MYOZ3: variants seen among roughly 807,000 people sequenced by gnomAD.
The protein encoded by MYOZ3 is myozenin-3.
In MYOZ3, 19 loss-of-function variants were observed where a neutral mutation model predicts 26.5. The observed-to-expected ratio is 0.72, with a 90% CI of 0.50 to 1.05. The LOEUF is 1.05. Ranked by LOEUF, MYOZ3 falls within the 50% of genes least tolerant of loss-of-function variation. The probability of loss-of-function intolerance (pLI) is 0.00; values close to 1 mark genes in which losing one functional copy is unlikely to be tolerated. For missense variants in MYOZ3, 322 were observed against 337.1 expected (o/e 0.96, Z 0.35); for synonymous variants, 135 against 138.8 (o/e 0.97, Z 0.19).
At chr5:150,671,940 G>A in intron 5 of MYOZ3, 32 bp downstream of exon 5, 8 of 1,491,442 alleles carry the variant, frequency 5.4e-6, no homozygotes, top group Non-Finnish European at 6.2e-6. Context: ...CGGGACCAGG[G>A]CTGGGGGGCC....
At chr5:150,666,760 C>CT (rs139707010) in intron 2 of MYOZ3, among the ~76,000 whole-genome samples, 20,322 of 149,632 alleles carry the variant, frequency 0.14, 2,645 homozygotes, top group African/African-American at 0.35. Context: ...TACTGGATTT[C>CT]TTTTTTTCTT....
At chr5:150,665,334 G>C (rs918155783) in intron 2 of MYOZ3, among the ~76,000 whole-genome samples, 1 of 152,158 alleles carries the variant, frequency 6.6e-6, no homozygotes, top group Non-Finnish European at 1.5e-5. Flanking sequence ...TTGCTCCACA[G>C]AATTCATCCC....
intron 6 of MYOZ3, among the ~76,000 whole-genome samples, chr5:150,675,526 C>T (rs768135025): frequency 2.1e-4 from 32 of 152,108 alleles, no homozygotes; most frequent in Non-Finnish European, 4.3e-4. Context: ...TCACCCACCA[C>T]CATGCCCATC....
chr5:150,669,208 G>C (rs188778734), intron 2 of MYOZ3: 1 of 151,926 alleles, frequency 6.6e-6, no homozygotes, highest in African/African-American at 2.4e-5. Context: ...CTGGGAGCCC[G>C]AGGGGGGGTG....
In MYOZ3 at chr5:150,662,939, A is replaced by C. The variant is rs1324403279; in HGVS notation, c.-1-2A>C. 1.9e-6 allele frequency: 3 copies of C among 1,610,716 alleles called. No homozygotes were observed. In the South Asian group the frequency reaches 3.3e-5, roughly 18 times the overall value. On this transcript the variant is annotated splice_acceptor_variant, in intron 1 of 6. Coordinates refer to ENST00000517768, the MANE Select transcript of MYOZ3 (RefSeq NM_001122853.3). LOFTEE classifies it low-confidence loss of function (5UTR_SPLICE). ...CCATTTATGGGGGTCTCTCCTCCAC[A>C]GGATGATCCCCAAGGAGCAGAAGGG...
chr5:150,673,238 G>T (rs572786830), intron 6 of MYOZ3: 1 of 152,398 alleles, frequency 6.6e-6, no homozygotes, highest in African/African-American at 2.4e-5. Flanking sequence ...GGGGTTTATA[G>T]TACCTGCTTC....
In MYOZ3 at chr5:150,663,068, A is replaced by T. The variant is rs1758759674; in HGVS notation, c.61+66A>T. 3 of 1,394,124 alleles carry T rather than the reference A, an allele frequency of 2.2e-6. No homozygotes were observed. In the Middle Eastern group the frequency reaches 5.7e-4, roughly 263 times the overall value. 86.4% of individuals were successfully genotyped at this position (1,394,124 alleles called of 1,614,324 possible). A position where few individuals can be genotyped will look rare whatever the true frequency, so the allele number is the denominator to read the frequency against. On this transcript the variant is annotated intron_variant, in intron 2 of 6. Transcript: ENST00000517768. ...ATTTCCTTGCTCCCAGGCTGCACTCACTCTGGCCTGCTGGCCCCAGGCCTG... is the reference window on the plus strand; with the variant it reads ...ATTTCCTTGCTCCCAGGCTGCACTCTCTCTGGCCTGCTGGCCCCAGGCCTG...
At chr5:150,670,425 G>A in intron 2 of MYOZ3, 59 bp from the exon 3 acceptor site, 1 of 1,459,798 alleles carries the variant, frequency 6.9e-7, no homozygotes, top group Non-Finnish European at 9.1e-7. Context: ...TTCGAGAGGT[G>A]GGGCCTGGAG....
At chr5:150,662,883 G>T in intron 1 of MYOZ3, 58 bp from the exon 2 acceptor site, 2 of 1,470,740 alleles carry the variant, frequency 1.4e-6, no homozygotes, top group East Asian at 2.3e-5. Flanking sequence ...AGACTGGAAG[G>T]AGGTCTGGGG....
In MYOZ3 at chr5:150,677,097, T is replaced by G. The variant is rs1759023347; in HGVS notation, c.*222T>G. 4 of 510,400 alleles carry G rather than the reference T, an allele frequency of 7.8e-6. No individual in the cohort carries two copies. In the South Asian group the frequency reaches 1.1e-4, roughly 15 times the overall value. The allele number at this position is 510,400 out of a possible 1,614,324, so 31.6% of individuals were successfully genotyped here. On this transcript the variant is annotated 3_prime_UTR_variant, in exon 7 of 7. Transcript: ENST00000517768. Reference sequence around the variant, plus strand: ...CCAGACAACTGGACTGTCCCAGACTTGCAGCATCAGAGTCTCCTGAGTCGA... The same window carrying G: ...CCAGACAACTGGACTGTCCCAGACTGGCAGCATCAGAGTCTCCTGAGTCGA...
At position 150,676,955 on chromosome 5, in the gene MYOZ3, G is replaced by C. The variant is rs777068489; in HGVS notation, c.*80G>C. 3.1e-5 allele frequency: 44 copies of C among 1,408,068 alleles called. 1 individual carries two copies. The highest frequency in any genetic ancestry group is 6.2e-5 in the Admixed American group (3 of 48,400). 87.2% of individuals were successfully genotyped at this position (1,408,068 alleles called of 1,614,324 possible). ...CAAGACTTGTGGACAGCACTTCACA[G>C]TTGAAGAAGGGCCTTCACACACAAA... On this transcript the variant is annotated 3_prime_UTR_variant, in exon 7 of 7. Transcript: ENST00000517768.
At chr5:150,675,858 A>C (rs1223273742) in intron 6 of MYOZ3, among the ~76,000 whole-genome samples, 1 of 152,188 alleles carries the variant, frequency 6.6e-6, no homozygotes, top group African/African-American at 2.4e-5. Context: ...CATAGTTCAC[A>C]CATTTCAGGT....
At chr5:150,670,665 G>T in intron 3 of MYOZ3, 27 bp downstream of exon 3, 1 of 1,584,520 alleles carries the variant, frequency 6.3e-7, no homozygotes. Flanking sequence ...TGTGCTCATG[G>T]GGAAAATGAG....
intron 5 of MYOZ3, chr5:150,672,128 C>A: frequency 9.7e-7 from 1 of 1,029,616 alleles, no homozygotes; most frequent in Non-Finnish European, 1.5e-6. Flanking sequence ...GCGCTGCGAA[C>A]TCGTGGCTTC....
rs984289294 is a variant in MYOZ3 at position 150,670,479 on chromosome 5, G to A, written c.62-5G>A. The A allele has an allele frequency of 6.2e-7, 1 of 1,605,762 alleles. No individual in the cohort carries two copies. Among genetic ancestry groups the A allele is most frequent in the African/African-American group, 1.3e-5 (1 of 74,852 alleles). On this transcript the variant is annotated splice_polypyrimidine_tract_variant and splice_region_variant and intron_variant, in intron 2 of 6. Coordinates refer to ENST00000517768, the MANE Select transcript of MYOZ3 (RefSeq NM_001122853.3). The stretch of plus-strand genomic sequence containing the variant: ...GTGAGAGCCCGCTCTGGCCTTTCCT[G>A]GCAGTCCCTACGCTGGACCTGGGCA...
intron 3 of MYOZ3, 114 bp from the exon 4 acceptor site, chr5:150,671,483 T>G (rs1294466273): frequency 2.3e-5 from 24 of 1,064,332 alleles, no homozygotes; most frequent in Non-Finnish European, 3.4e-5. Context: ...TGTTCCCCGA[T>G]GATGGGCGTT....
chr5:150,672,116 C>T (rs959589941), intron 5 of MYOZ3: 1 of 1,051,514 alleles, frequency 9.5e-7, no homozygotes, highest in African/African-American at 1.6e-5. Context: ...CAAGACCAAC[C>T]CGCGCTGCGA....
At position 150,667,051 on chromosome 5, in the gene MYOZ3, G is replaced by A. The variant is rs188195410; in HGVS notation, c.62-3433G>A. Among the ~76,000 whole-genome samples the A allele has an allele frequency of 9.8e-4, 149 of 152,176 alleles. 1 individual carries two copies. Among genetic ancestry groups the A allele is most frequent in the Non-Finnish European group, 1.9e-3 (126 of 68,004 alleles). On this transcript the variant is annotated intron_variant, in intron 2 of 6. Coordinates refer to ENST00000517768, the MANE Select transcript of MYOZ3 (RefSeq NM_001122853.3). ...TGGGATTATGGGTGTGAGCCACTGC[G>A]CCCGGCCTATAAGTGGATTTCTTTC...
intron 6 of MYOZ3, among the ~76,000 whole-genome samples, 164 bp from the exon 7 acceptor site, chr5:150,676,543 C>CAAAAAAAAA (rs749959393): frequency 5.5e-4 from 32 of 57,942 alleles, no homozygotes; most frequent in African/African-American, 1.6e-3. Context: ...GACTCTGTCT[C>CAAAAAAAAA]AAAAAAAAAA....
Sources: allele counts gnomAD v4.1 joint callset (sites outside exome capture counted in the v4.1 genomes callset), GRCh38; gene constraint gnomAD v4.1.1; transcripts MANE v1.5; gene names NCBI Gene and HGNC (gene_info 2026-07-23, HGNC 2026-07-21).